Variants in ABHD12B observed in about 807,000 individuals in gnomAD.
ABHD12B encodes the protein protein ABHD12B.
ABHD12B carries 42 observed loss-of-function variants against 50.4 expected under a neutral mutation model. The ratio of observed to expected loss-of-function variants is 0.83; its 90% confidence interval spans 0.65 to 1.08. ABHD12B has a LOEUF of 1.08. Ranked by LOEUF, ABHD12B falls within the 50% of genes least tolerant of loss-of-function variation. The pLI is 0.00. For missense variants in ABHD12B, 479 were observed against 447.7 expected (o/e 1.07, Z -0.63); for synonymous variants, 167 against 160.3 (o/e 1.04, Z -0.32).
intron 11 of ABHD12B, among the ~76,000 whole-genome samples, 174 bp downstream of exon 11, chr14:50,903,641 C>T (rs1225299213): frequency 6.6e-6 from 1 of 152,128 alleles, no homozygotes; most frequent in African/African-American, 2.4e-5. Context: ...TCCTTGGCTA[C>T]TTAGCTCAAA....
intron 1 of ABHD12B, among the ~76,000 whole-genome samples, chr14:50,873,230 T>C (rs2049811176): frequency 6.6e-6 from 1 of 152,086 alleles, no homozygotes; most frequent in Non-Finnish European, 1.5e-5. Context: ...CTCTTTTTTT[T>C]TTCTTTTTTG....
intron 4 of ABHD12B, 21 bp downstream of exon 4, chr14:50,880,592 A>G (rs745452955): frequency 6.6e-6 from 10 of 1,506,520 alleles, no homozygotes; most frequent in Middle Eastern, 1.8e-4. Flanking sequence ...CTGCTTACAT[A>G]TTTTTTTTTC....
intron 5 of ABHD12B, among the ~76,000 whole-genome samples, chr14:50,883,948 T>C (rs1355716807): frequency 1.1e-4 from 1 of 9,286 alleles, no homozygotes; most frequent in African/African-American, 1.2e-4. Flanking sequence ...AAGGCTTTTG[T>C]TACTATGATT....
At chr14:50,882,986 A>AAAAAG (rs1170023927) in intron 5 of ABHD12B, among the ~76,000 whole-genome samples, 1 of 151,518 alleles carries the variant, frequency 6.6e-6, no homozygotes, top group East Asian at 1.9e-4. Flanking sequence ...AAAAAAAAAA[A>AAAAAG]AAAGTCATTG....
intron 11 of ABHD12B, among the ~76,000 whole-genome samples, chr14:50,903,738 A>G (rs975702909): frequency 1.2e-4 from 18 of 152,138 alleles, no homozygotes; most frequent in Admixed American, 9.8e-4. Flanking sequence ...GGGAACCTCC[A>G]TGTCGTCTCT....
chr14:50,885,579 C>G, intron 5 of ABHD12B, 35 bp from the exon 6 acceptor site: 1 of 1,613,520 alleles, frequency 6.2e-7, no homozygotes, highest in Non-Finnish European at 8.5e-7. Flanking sequence ...TTTTCATCTT[C>G]TAATTAAAGT....
chr14:50,882,155 T>A (rs926230105), intron 5 of ABHD12B, among the ~76,000 whole-genome samples: 3 of 150,654 alleles, frequency 2.0e-5, no homozygotes, highest in Non-Finnish European at 3.0e-5. Flanking sequence ...AGGCTGGTCT[T>A]GAACTCGTGA....
At chr14:50,893,248 C>T (rs1424881546) in intron 9 of ABHD12B, 1 of 152,452 alleles carries the variant, frequency 6.6e-6, no homozygotes, top group African/African-American at 2.4e-5. Context: ...ACTGAAGAAT[C>T]ACAAAAGAAG....
At chr14:50,877,596 C>T (rs564072556) in intron 1 of ABHD12B, among the ~76,000 whole-genome samples, 2 of 152,256 alleles carry the variant, frequency 1.3e-5, no homozygotes, top group African/African-American at 4.8e-5. Flanking sequence ...TGCTTAAATG[C>T]CATCTGACCC....
intron 9 of ABHD12B, among the ~76,000 whole-genome samples, chr14:50,901,252 A>G (rs1258601863): frequency 6.6e-6 from 1 of 152,248 alleles, no homozygotes; most frequent in Non-Finnish European, 1.5e-5. Context: ...TTTAGCTAGC[A>G]TTCTATTTCT....
intron 1 of ABHD12B, among the ~76,000 whole-genome samples, chr14:50,875,583 T>TA (rs1262669306): frequency 1.3e-5 from 2 of 152,184 alleles, no homozygotes; most frequent in Non-Finnish European, 2.9e-5. Flanking sequence ...GGTGGCCGTT[T>TA]GATGTGGCTG....
chr14:50,872,827 A>G (rs1161223948), intron 1 of ABHD12B, among the ~76,000 whole-genome samples: 1 of 152,186 alleles, frequency 6.6e-6, no homozygotes, highest in African/African-American at 2.4e-5. Flanking sequence ...TGTTGAAACC[A>G]TAACTTGGCA....
chr14:50,893,950 A>G (rs2050156053), intron 9 of ABHD12B, among the ~76,000 whole-genome samples: 1 of 152,248 alleles, frequency 6.6e-6, no homozygotes, highest in Admixed American at 6.5e-5. Context: ...CAGACTGGGA[A>G]GGCAGCCTTC....
chr14:50,902,723 G>A (rs913089705), intron 10 of ABHD12B, among the ~76,000 whole-genome samples: 1 of 152,184 alleles, frequency 6.6e-6, no homozygotes, highest in African/African-American at 2.4e-5. Flanking sequence ...AACATTCTCA[G>A]GGGTGTCAGT....
At chr14:50,894,754 C>T (rs1167595844) in intron 9 of ABHD12B, among the ~76,000 whole-genome samples, 2 of 150,260 alleles carry the variant, frequency 1.3e-5, no homozygotes, top group Non-Finnish European at 1.5e-5. Flanking sequence ...CGTCCCAAAT[C>T]TTCCTTCTTT....
chr14:50,904,164 A>C lies in ABHD12B; in HGVS notation c.1033A>C (p.Lys345Gln), dbSNP rs765647606. 1 of 1,614,156 alleles carries C rather than the reference A, an allele frequency of 6.2e-7. No individual in the cohort carries two copies. Among genetic ancestry groups the C allele is most frequent in the East Asian group, 2.2e-5 (1 of 44,888 alleles). The change falls in exon 12 of 13, where the codon AAA (lysine) becomes CAA (glutamine). Residue 345 changes from lysine (K) to glutamine (Q), a missense_variant. Coordinates refer to ENST00000337334, the MANE Select transcript of ABHD12B (RefSeq NM_001206673.2). ...PPGFQHNLLC[K>Q]SPTLLITVRD... ...TGGCTTCCAACACAACCTGCTTTGT[A>C]AAAGCCCCACACTGTTAATAACCGT...
chr14:50,883,610 C>G (rs2049990081), intron 5 of ABHD12B, among the ~76,000 whole-genome samples: 1 of 152,252 alleles, frequency 6.6e-6, no homozygotes, highest in Non-Finnish European at 1.5e-5. Context: ...AGAGCTGTCT[C>G]AATGTTCCCA....
At chr14:50,902,042 C>T (rs147116376) in intron 10 of ABHD12B, 131 bp downstream of exon 10, 27 of 577,822 alleles carry the variant, frequency 4.7e-5, no homozygotes, top group African/African-American at 1.7e-4. Context: ...TATTGTTCTG[C>T]GCTTCTTAGA....
At chr14:50,892,497 C>A (rs34051409) in intron 9 of ABHD12B, 1 of 985,350 alleles carries the variant, frequency 1.0e-6, no homozygotes. Flanking sequence ...GGGAGGATGG[C>A]GTAACCTCTT....
Sources: gnomAD v4.1 joint callset for allele counts (sites outside exome capture counted in the v4.1 genomes callset) on GRCh38, gnomAD v4.1.1 for gene constraint, MANE v1.5 for transcripts, NCBI Gene and HGNC (gene_info 2026-07-23, HGNC 2026-07-21) for gene names.